The following DDAH1 variants were observed in gnomAD, a reference collection of about 807,000 sequenced individuals.
The protein encoded by DDAH1 is dimethylarginine dimethylaminohydrolase 1.
In DDAH1, 19 loss-of-function variants were observed where a neutral mutation model predicts 28.8. The observed-to-expected ratio is 0.66, with a 90% CI of 0.46 to 0.97. The LOEUF (loss-of-function observed/expected upper bound fraction) is 0.97, where lower values mean the gene tolerates loss of function less well. Among genes scored for constraint, DDAH1 ranks in the 50% least tolerant of loss-of-function variants. The pLI is 0.00. For missense variants in DDAH1, 326 were observed against 375.9 expected, an observed-to-expected ratio of 0.87 and a Z score of 1.10; for synonymous variants, 153 against 154.4, an observed-to-expected ratio of 0.99 and a Z score of 0.07.
intron 1 of DDAH1, among the ~76,000 whole-genome samples, chr1:85,550,305 G>A (rs1173657583): frequency 6.6e-6 from 1 of 152,166 alleles, no homozygotes; most frequent in Non-Finnish European, 1.5e-5. Flanking sequence ...AATCTGTGAT[G>A]AGGGTTTCAT....
intron 1 of DDAH1, among the ~76,000 whole-genome samples, chr1:85,395,621 G>A (rs1431441597): frequency 9.9e-5 from 15 of 151,302 alleles, no homozygotes; most frequent in Admixed American, 9.9e-4. Flanking sequence ...GCGGTGAGCT[G>A]AGATCGCACC....
At chr1:85,560,205 A>G (rs1659099889) in intron 1 of DDAH1, among the ~76,000 whole-genome samples, 1 of 152,158 alleles carries the variant, frequency 6.6e-6, no homozygotes, top group Non-Finnish European at 1.5e-5. Context: ...CTGTCAATCT[A>G]CAATTCCGAA....
intron 1 of DDAH1, among the ~76,000 whole-genome samples, chr1:85,403,825 G>A (rs1057100340): frequency 2.0e-5 from 3 of 152,128 alleles, no homozygotes; most frequent in Non-Finnish European, 4.4e-5. Flanking sequence ...ATAAACGGAT[G>A]TTTCAGTCTA....
intron 1 of DDAH1, among the ~76,000 whole-genome samples, chr1:85,362,081 G>A (rs889542995): frequency 6.6e-6 from 1 of 152,024 alleles, no homozygotes; most frequent in Non-Finnish European, 1.5e-5. Flanking sequence ...ATCCCTCCAT[G>A]ACAGATCCCA....
intron 1 of DDAH1, among the ~76,000 whole-genome samples, chr1:85,504,282 A>G (rs1316351911): frequency 6.6e-6 from 1 of 152,234 alleles, no homozygotes; most frequent in Admixed American, 6.5e-5. Context: ...ACTAGATGGC[A>G]GGGTCATTGG....
At chr1:85,366,163 C>T (rs1436126240) in intron 1 of DDAH1, among the ~76,000 whole-genome samples, 1 of 150,770 alleles carries the variant, frequency 6.6e-6, no homozygotes. Context: ...AAATGGTCAA[C>T]AGAACTGGAA....
chr1:85,537,168 C>T (rs74828112), intron 1 of DDAH1, among the ~76,000 whole-genome samples: 2,205 of 151,020 alleles, frequency 0.015, 46 homozygotes, highest in African/African-American at 0.052. Flanking sequence ...CTCATCTCTA[C>T]AAAAAAATAC....
chr1:85,437,256 T>C (rs1056635795), intron 1 of DDAH1, among the ~76,000 whole-genome samples: 1 of 152,206 alleles, frequency 6.6e-6, no homozygotes, highest in Non-Finnish European at 1.5e-5. Context: ...GAGAGGCCTG[T>C]GGAGCCTCAC....
At chr1:85,536,845 A>C (rs1658294417) in intron 1 of DDAH1, among the ~76,000 whole-genome samples, 1 of 151,608 alleles carries the variant, frequency 6.6e-6, no homozygotes, top group African/African-American at 2.4e-5. Flanking sequence ...GTTATGATGA[A>C]GAGATATCTG....
At chr1:85,577,878 G>T in intron 1 of DDAH1, 1 of 762,574 alleles carries the variant, frequency 1.3e-6, no homozygotes, top group Non-Finnish European at 1.6e-6. Context: ...GGCAGCCCAA[G>T]GAAACAAGGC....
At chr1:85,577,426 G>T (rs1286529863) in intron 1 of DDAH1, among the ~76,000 whole-genome samples, 1 of 152,166 alleles carries the variant, frequency 6.6e-6, no homozygotes, top group Non-Finnish European at 1.5e-5. Flanking sequence ...CATTAAGGTG[G>T]CTTTGAAGAG....
intron 1 of DDAH1, among the ~76,000 whole-genome samples, chr1:85,550,298 C>T (rs1422216343): frequency 6.6e-6 from 1 of 152,174 alleles, no homozygotes; most frequent in Non-Finnish European, 1.5e-5. Context: ...TATACCAAAT[C>T]TGTGATGAGG....
At chr1:85,350,057 C>G (rs572479096) in intron 4 of DDAH1, among the ~76,000 whole-genome samples, 3 of 152,280 alleles carry the variant, frequency 2.0e-5, no homozygotes, top group East Asian at 3.9e-4. Context: ...CCCTGTGTAC[C>G]AACTCTCCAA....
chr1:85,572,541 T>A (rs1422924088), intron 1 of DDAH1, among the ~76,000 whole-genome samples: 1 of 152,218 alleles, frequency 6.6e-6, no homozygotes, highest in African/African-American at 2.4e-5. Flanking sequence ...AAAATATTCA[T>A]CCTACAGAGT....
In DDAH1 at chr1:85,464,472, A is replaced by G. The variant is rs1166379165; in HGVS notation, c.303+271T>C. 1 of 1,512,426 alleles carries G rather than the reference A, an allele frequency of 6.6e-7. No homozygotes were observed. Among genetic ancestry groups the G allele is most frequent in the Non-Finnish European group, 8.8e-7 (1 of 1,131,618 alleles). 93.7% of individuals were successfully genotyped at this position (1,512,426 alleles called of 1,614,324 possible). ...ATTTTCACAAATAAAAATGCCCGTG[A>G]GACGGAATCCCCCGCCCACCCACCT... is the stretch of plus-strand genomic sequence containing the variant. On this transcript the variant is annotated intron_variant, in intron 1 of 5. Coordinates refer to ENST00000284031, the MANE Select transcript of DDAH1 (RefSeq NM_012137.4). This position sits in a 1 kb window ranked among gnomAD's most constrained non-coding sequence, Gnocchi z 4.4.
At chr1:85,354,579 A>G (rs188659058) in intron 2 of DDAH1, among the ~76,000 whole-genome samples, 205 of 152,250 alleles carry the variant, frequency 1.3e-3, no homozygotes, top group African/African-American at 4.6e-3. Context: ...AGAAAAGCTA[A>G]ATACTTGAGT....
At chr1:85,498,706 G>A (rs1258784614) in intron 1 of DDAH1, among the ~76,000 whole-genome samples, 2 of 152,176 alleles carry the variant, frequency 1.3e-5, no homozygotes, top group Non-Finnish European at 2.9e-5. Flanking sequence ...ATCACTTGAG[G>A]TCAGGAGTTT....
chr1:85,556,412 A>C (rs1189560052), intron 1 of DDAH1, among the ~76,000 whole-genome samples: 4 of 152,156 alleles, frequency 2.6e-5, no homozygotes, highest in Non-Finnish European at 5.9e-5. Flanking sequence ...TACCCAAAGC[A>C]CATGTTCCTA....
chr1:85,451,799 A>G (rs1460110127), intron 1 of DDAH1, among the ~76,000 whole-genome samples: 1 of 152,172 alleles, frequency 6.6e-6, no homozygotes, highest in African/African-American at 2.4e-5. Context: ...GGAGCAGAGG[A>G]AAGTAGAAGC....
Sources: allele counts gnomAD v4.1 joint callset (sites outside exome capture counted in the v4.1 genomes callset), GRCh38; gene constraint gnomAD v4.1.1; non-coding constraint Gnocchi (gnomAD v3.1); transcripts MANE v1.5; gene names NCBI Gene and HGNC (gene_info 2026-07-23, HGNC 2026-07-21).